AGBL4: variants seen among roughly 807,000 people sequenced by gnomAD.
AGBL4 encodes cytosolic carboxypeptidase 6.
A neutral mutation model predicts 66.4 loss-of-function variants in AGBL4; 58 were observed. That is an observed-to-expected ratio of 0.87 (90% CI 0.71 to 1.09). The LOEUF (loss-of-function observed/expected upper bound fraction) is 1.09, where lower values mean the gene tolerates loss of function less well. AGBL4 is among the 50% of genes least tolerant of loss of function. The pLI is 0.00. For missense variants in AGBL4, 579 were observed against 631.0 expected (o/e 0.92, Z 0.88); for synonymous variants, 234 against 222.9 (o/e 1.05, Z -0.44).
intron 2 of AGBL4, among the ~76,000 whole-genome samples, chr1:49,702,991 G>T (rs911398519): frequency 2.0e-5 from 3 of 151,982 alleles, no homozygotes; most frequent in African/African-American, 7.2e-5. Context: ...CCCACTTAAT[G>T]GTGAAAGACT....
chr1:49,048,113 GT>G (rs1353688374), intron 4 of AGBL4, among the ~76,000 whole-genome samples: 1 of 152,154 alleles, frequency 6.6e-6, no homozygotes, highest in Non-Finnish European at 1.5e-5. Flanking sequence ...GTCTGTGATA[GT>G]CACTTCAGGC....
At chr1:49,049,177 CTA>C (rs1644151489) in intron 4 of AGBL4, among the ~76,000 whole-genome samples, 2 of 152,080 alleles carry the variant, frequency 1.3e-5, no homozygotes, top group African/African-American at 4.8e-5. Flanking sequence ...TTCAATATCT[CTA>C]TGTTTTGTGC....
At chr1:48,528,548 G>T (rs1643891659), downstream of AGBL4, among the ~76,000 whole-genome samples, 1 of 152,044 alleles carries the variant, frequency 6.6e-6, no homozygotes, top group Non-Finnish European at 1.5e-5. Context: ...AGACAGAGAG[G>T]TGTGGTAGAG....
chr1:49,970,566 C>T (rs958709818), intron 1 of AGBL4, among the ~76,000 whole-genome samples: 3 of 151,940 alleles, frequency 2.0e-5, no homozygotes, highest in South Asian at 4.2e-4. Flanking sequence ...TGTGGTGGTG[C>T]ATGCCTGTAA....
intron 4 of AGBL4, among the ~76,000 whole-genome samples, chr1:49,204,250 A>G (rs1647951847): frequency 6.6e-6 from 1 of 152,068 alleles, no homozygotes; most frequent in African/African-American, 2.4e-5. Context: ...TCCATAGATA[A>G]CTGGAAACTA....
chr1:48,675,152 C>A (rs568366854), intron 6 of AGBL4, among the ~76,000 whole-genome samples: 2 of 152,296 alleles, frequency 1.3e-5, no homozygotes, highest in East Asian at 3.9e-4. Context: ...CAGACCCCCC[C>A]GCCACACCCA....
intron 5 of AGBL4, among the ~76,000 whole-genome samples, chr1:49,007,296 A>G (rs1231676239): frequency 4.1e-5 from 5 of 123,436 alleles, no homozygotes; most frequent in African/African-American, 1.5e-4. Context: ...GATGAAATGA[A>G]TGAAATGAAG....
intron 6 of AGBL4, among the ~76,000 whole-genome samples, chr1:48,842,379 A>C (rs1646824807): frequency 6.6e-6 from 1 of 152,152 alleles, no homozygotes; most frequent in Admixed American, 6.6e-5. Flanking sequence ...AATGAAATGA[A>C]AACTAACAGA....
intron 8 of AGBL4, among the ~76,000 whole-genome samples, chr1:48,637,230 T>A (rs1203758304): frequency 6.6e-6 from 1 of 152,246 alleles, no homozygotes; most frequent in Non-Finnish European, 1.5e-5. Context: ...TGACATGGAC[T>A]AATAGTTTTG....
At chr1:49,922,112 T>A (rs1357835714) in intron 1 of AGBL4, among the ~76,000 whole-genome samples, 1 of 152,242 alleles carries the variant, frequency 6.6e-6, no homozygotes, top group African/African-American at 2.4e-5. Context: ...CATGTTTTTG[T>A]CTTTTGTGGT....
intron 5 of AGBL4, among the ~76,000 whole-genome samples, chr1:48,889,323 C>T (rs1030981205): frequency 3.9e-5 from 6 of 152,080 alleles, no homozygotes; most frequent in East Asian, 1.9e-4. Context: ...ATTTAATATC[C>T]GCTTTTTTGT....
intron 1 of AGBL4, among the ~76,000 whole-genome samples, chr1:49,852,282 A>C (rs569954311): frequency 6.6e-6 from 1 of 152,334 alleles, no homozygotes; most frequent in Admixed American, 6.5e-5. Context: ...TGACTCCTTC[A>C]TGGCAGAGCA....
At chr1:48,737,140 C>T (rs1157261352) in intron 6 of AGBL4, among the ~76,000 whole-genome samples, 1 of 151,904 alleles carries the variant, frequency 6.6e-6, no homozygotes, top group Non-Finnish European at 1.5e-5. Flanking sequence ...AAAAATTAGC[C>T]AGGTGTGGTG....
At chr1:49,738,585 G>A (rs999763526) in intron 2 of AGBL4, among the ~76,000 whole-genome samples, 2 of 152,174 alleles carry the variant, frequency 1.3e-5, no homozygotes, top group Non-Finnish European at 2.9e-5. Flanking sequence ...AGCTAGAGAT[G>A]TGAGAAAGGA....
intron 2 of AGBL4, among the ~76,000 whole-genome samples, chr1:49,835,760 A>C (rs1003806769): frequency 2.6e-5 from 4 of 152,310 alleles, no homozygotes; most frequent in African/African-American, 9.6e-5. Flanking sequence ...CTTGTAAGGC[A>C]GGCCTGGTGG....
At chr1:49,120,454 GAAAAGTTGAAAAGTCTTTTCTTGAA>G (rs1269402682) in intron 4 of AGBL4, among the ~76,000 whole-genome samples, 1 of 152,116 alleles carries the variant, frequency 6.6e-6, no homozygotes, top group Non-Finnish European at 1.5e-5. Context: ...GGCTGGGTAT[GAAAAGTTGAAAAGTCTTTTCTTGAA>G]AAAAGTTGAA....
At chr1:49,667,840 G>T (rs1646399418) in intron 3 of AGBL4, among the ~76,000 whole-genome samples, 1 of 152,204 alleles carries the variant, frequency 6.6e-6, no homozygotes, top group Non-Finnish European at 1.5e-5. Context: ...ATGAAGAAAA[G>T]AACAGAGACA....
intron 4 of AGBL4, among the ~76,000 whole-genome samples, chr1:49,098,588 G>C: frequency 6.6e-6 from 1 of 152,236 alleles, no homozygotes; most frequent in East Asian, 1.9e-4. Context: ...ATAGCACTGA[G>C]TAGGTTCAGG....
At chr1:48,643,233 A>T (rs1645785465) in intron 8 of AGBL4, among the ~76,000 whole-genome samples, 1 of 152,140 alleles carries the variant, frequency 6.6e-6, no homozygotes, top group Admixed American at 6.5e-5. Context: ...GTAGCACATG[A>T]TAGGGCCTGT....
Sources: allele counts gnomAD v4.1 joint callset (sites outside exome capture counted in the v4.1 genomes callset), GRCh38; gene constraint gnomAD v4.1.1; transcripts MANE v1.5; gene names NCBI Gene and HGNC (gene_info 2026-07-23, HGNC 2026-07-21).